INPP4B: variants seen among roughly 807,000 people sequenced by gnomAD.
INPP4B encodes inositol polyphosphate-4-phosphatase type II B.
INPP4B carries 55 observed loss-of-function variants against 122.5 expected under a neutral mutation model. That is an observed-to-expected ratio of 0.45 (90% CI 0.36 to 0.56). The LOEUF is 0.56. Ranked by LOEUF, INPP4B falls within the 20% of genes least tolerant of loss-of-function variation. The pLI is 0.00. For missense variants in INPP4B, 1,000 were observed against 1,097.7 expected (o/e 0.91, Z 1.26); for synonymous variants, 403 against 388.7 (o/e 1.04, Z -0.43).
chr4:142,463,481 A>G (rs4345256), intron 2 of INPP4B, among the ~76,000 whole-genome samples: 23,991 of 152,068 alleles, frequency 0.16, 2,170 homozygotes, highest in East Asian at 0.38. Context: ...TTTGTTCCTA[A>G]ACTTTGCACC....
intron 18 of INPP4B, among the ~76,000 whole-genome samples, chr4:142,134,731 A>C (rs1803132199): frequency 7.5e-6 from 1 of 132,904 alleles, no homozygotes; most frequent in Non-Finnish European, 1.6e-5. Context: ...TGGGGGACGG[A>C]GGTTGTGGTG....
intron 1 of INPP4B, among the ~76,000 whole-genome samples, chr4:142,806,764 G>GAAGA (rs796400415): frequency 0.02 from 783 of 38,906 alleles, 18 homozygotes; most frequent in African/African-American, 0.035. Flanking sequence ...GAAGAAGAAA[G>GAAGA]AAGAAAGAAA....
At chr4:142,136,997 A>G (rs1804736863) in intron 18 of INPP4B, among the ~76,000 whole-genome samples, 1 of 152,174 alleles carries the variant, frequency 6.6e-6, no homozygotes, top group Admixed American at 6.5e-5. Context: ...CCCCATCAAG[A>G]TACCAATGAG....
chr4:142,075,671 T>C (rs540621510), intron 25 of INPP4B, among the ~76,000 whole-genome samples: 5 of 150,742 alleles, frequency 3.3e-5, no homozygotes, highest in South Asian at 4.2e-4. Context: ...ATGGGGAGAG[T>C]GTAGAGAGCA....
intron 7 of INPP4B, among the ~76,000 whole-genome samples, chr4:142,380,973 C>T (rs1793890775): frequency 6.6e-6 from 1 of 152,136 alleles, no homozygotes; most frequent in Non-Finnish European, 1.5e-5. Context: ...TATATCACCT[C>T]ATGTGGATGC....
At chr4:142,763,180 C>T (rs1477014562) in intron 1 of INPP4B, among the ~76,000 whole-genome samples, 1 of 152,152 alleles carries the variant, frequency 6.6e-6, no homozygotes, top group African/African-American at 2.4e-5. Flanking sequence ...TCAGTTTCTA[C>T]TCACTTGCGA....
At chr4:142,236,489 A>G (rs1432836733) in intron 12 of INPP4B, among the ~76,000 whole-genome samples, 1 of 152,154 alleles carries the variant, frequency 6.6e-6, no homozygotes, top group Non-Finnish European at 1.5e-5. Context: ...TAGATTCCTG[A>G]ACATGTCATA....
intron 2 of INPP4B, among the ~76,000 whole-genome samples, chr4:142,673,378 T>C (rs529185022): frequency 6.6e-6 from 1 of 151,596 alleles, no homozygotes; most frequent in Admixed American, 6.6e-5. Context: ...TGAGTGTTGC[T>C]AGTCACTCTT....
intron 1 of INPP4B, among the ~76,000 whole-genome samples, chr4:142,827,191 A>C (rs528730550): frequency 5.3e-5 from 8 of 152,258 alleles, no homozygotes; most frequent in African/African-American, 1.9e-4. Flanking sequence ...TCTTAAACAC[A>C]CCAGCCAGCC....
chr4:142,172,988 C>T (rs1413615018), intron 16 of INPP4B, among the ~76,000 whole-genome samples: 1 of 151,906 alleles, frequency 6.6e-6, no homozygotes, highest in Admixed American at 6.6e-5. Flanking sequence ...AGCGAGCCGC[C>T]CTCGTTAGTT....
intron 2 of INPP4B, among the ~76,000 whole-genome samples, chr4:142,628,185 G>A (rs1052055776): frequency 3.3e-5 from 5 of 149,452 alleles, no homozygotes; most frequent in Admixed American, 2.0e-4. Flanking sequence ...TGATAGATTG[G>A]ATTAAGAAAA....
At chr4:142,317,633 A>C (rs900501306) in intron 7 of INPP4B, 1 of 154,602 alleles carries the variant, frequency 6.5e-6, no homozygotes, top group African/African-American at 2.4e-5. Flanking sequence ...AGAAACCTGC[A>C]TACATTTTGA....
At chr4:142,032,325 C>G (rs565181366) in intron 25 of INPP4B, among the ~76,000 whole-genome samples, 9 of 152,040 alleles carry the variant, frequency 5.9e-5, no homozygotes, top group African/African-American at 1.9e-4. Context: ...GGATGGCAGA[C>G]CAAACTGGAG....
intron 1 of INPP4B, among the ~76,000 whole-genome samples, chr4:142,792,357 C>T (rs1776669466): frequency 2.0e-5 from 3 of 151,982 alleles, no homozygotes; most frequent in African/African-American, 4.8e-5. Flanking sequence ...ATACAAGAAT[C>T]ATTCATATTT....
intron 15 of INPP4B, among the ~76,000 whole-genome samples, chr4:142,182,784 T>C (rs1831480147): frequency 6.6e-6 from 1 of 152,074 alleles, no homozygotes; most frequent in Non-Finnish European, 1.5e-5. Context: ...CCAGGCTCCC[T>C]CAAGCCCTCA....
chr4:142,568,952 A>C (rs1321248022), intron 2 of INPP4B, among the ~76,000 whole-genome samples: 1 of 152,182 alleles, frequency 6.6e-6, no homozygotes, highest in Non-Finnish European at 1.5e-5. Flanking sequence ...TAACCTTTTC[A>C]AATGTAACTG....
At chr4:142,232,630 T>C (rs1854887824) in intron 12 of INPP4B, among the ~76,000 whole-genome samples, 1 of 151,820 alleles carries the variant, frequency 6.6e-6, no homozygotes, top group Non-Finnish European at 1.5e-5. Flanking sequence ...TCTATAACCC[T>C]ACAATGGCCC....
chr4:142,309,613 C>G lies in INPP4B; in HGVS notation c.424-4076G>C, dbSNP rs543264144. Among the ~76,000 whole-genome samples, 4 of 152,252 alleles carry G rather than the reference C, an allele frequency of 2.6e-5. 1 individual carries two copies. In the South Asian group the frequency reaches 8.3e-4, roughly 32 times the overall value. Reference sequence around the variant, plus strand: ...GAACCCAGGTTTCTTGCTTCTCTGTCCAGCATTCTTTCATCCCCACCATGC... The same window carrying G: ...GAACCCAGGTTTCTTGCTTCTCTGTGCAGCATTCTTTCATCCCCACCATGC... On this transcript the variant is annotated intron_variant, in intron 8 of 25. Coordinates refer to ENST00000262992, the MANE Select transcript of INPP4B (RefSeq NM_001101669.3).
intron 2 of INPP4B, among the ~76,000 whole-genome samples, chr4:142,589,070 CAAAG>C (rs1736863225): frequency 2.0e-5 from 3 of 151,650 alleles, no homozygotes; most frequent in Admixed American, 2.0e-4. Flanking sequence ...GATTTTTTTC[CAAAG>C]AAACAGACAA....
Sources: gnomAD v4.1 joint callset for allele counts (sites outside exome capture counted in the v4.1 genomes callset) on GRCh38, gnomAD v4.1.1 for gene constraint, MANE v1.5 for transcripts, NCBI Gene and HGNC (gene_info 2026-07-23, HGNC 2026-07-21) for gene names.